ANKRD30B: variants seen among roughly 807,000 people sequenced by gnomAD.
ANKRD30B encodes ankyrin repeat domain 30B, also known as ankyrin repeat domain-containing protein 30B.
A neutral mutation model predicts 202.2 loss-of-function variants in ANKRD30B; 144 were observed. That is an observed-to-expected ratio of 0.71 (90% CI 0.62 to 0.82). The LOEUF is 0.82. ANKRD30B is among the 40% of genes least tolerant of loss of function. The pLI, the probability that ANKRD30B is intolerant of heterozygous loss-of-function variation, is 0.00. For missense variants in ANKRD30B, 1,487 were observed against 1,669.1 expected, an observed-to-expected ratio of 0.89 and a Z score of 1.90; for synonymous variants, 508 against 561.3, an observed-to-expected ratio of 0.91 and a Z score of 1.34.
the ANKRD30B span, among the ~76,000 whole-genome samples, chr18:14,882,501 CTGAGACTTGTTTTA>C: frequency 6.6e-6 from 1 of 152,144 alleles, no homozygotes; most frequent in African/African-American, 2.4e-5. Context: ...CTTCAATTTA[CTGAGACTTGTTTTA>C]TGGCCTATCA....
chr18:14,831,108 A>G (rs867608362), intron 33 of ANKRD30B, among the ~76,000 whole-genome samples: 5 of 136,044 alleles, frequency 3.7e-5, no homozygotes, highest in African/African-American at 1.1e-4. Context: ...GAACCCCGGG[A>G]GGCAGAGCTT....
the ANKRD30B span, among the ~76,000 whole-genome samples, chr18:14,889,460 T>TA: frequency 6.6e-6 from 1 of 152,134 alleles, no homozygotes; most frequent in East Asian, 1.9e-4. Context: ...GCTCTGGGAA[T>TA]ACAAAGGGAA....
the ANKRD30B span, among the ~76,000 whole-genome samples, chr18:14,874,235 C>T: frequency 3.2e-4 from 49 of 152,290 alleles, no homozygotes; most frequent in Non-Finnish European, 5.9e-4. Flanking sequence ...AGACCCTGAA[C>T]GCTCTTCCTT....
chr18:14,797,990 A>G (rs1339846198), intron 20 of ANKRD30B, 136 bp downstream of exon 20: 7 of 942,476 alleles, frequency 7.4e-6, no homozygotes, highest in South Asian at 1.8e-5. Flanking sequence ...TGCCAATGTT[A>G]GTATTTATGT....
intron 40 of ANKRD30B, 55 bp downstream of exon 40, chr18:14,848,984 A>C: frequency 7.2e-7 from 1 of 1,380,126 alleles, no homozygotes; most frequent in Non-Finnish European, 9.4e-7. Context: ...AAAAGTATGT[A>C]GGATACTTTT....
At chr18:14,912,623 T>C in the ANKRD30B span, among the ~76,000 whole-genome samples, 175 of 152,346 alleles carry the variant, frequency 1.1e-3, no homozygotes, top group Admixed American at 3.5e-3. Flanking sequence ...AGAGTGATAC[T>C]GGCCTTGTAG....
intron 6 of ANKRD30B, among the ~76,000 whole-genome samples, chr18:14,761,102 G>T (rs1335470759): frequency 6.6e-6 from 1 of 152,112 alleles, no homozygotes; most frequent in Non-Finnish European, 1.5e-5. Context: ...TAGTTTACAT[G>T]CCCTGAATTA....
At chr18:14,796,306 A>G in intron 17 of ANKRD30B, 37 bp from the exon 18 acceptor site, 2 of 1,609,646 alleles carry the variant, frequency 1.2e-6, no homozygotes, top group Non-Finnish European at 1.7e-6. Context: ...GGAAGCATAT[A>G]TTATGTATTA....
At chr18:14,798,506 T>C (rs781127271) in intron 20 of ANKRD30B, among the ~76,000 whole-genome samples, 2 of 152,052 alleles carry the variant, frequency 1.3e-5, no homozygotes, top group Non-Finnish European at 2.9e-5. Context: ...AAACAATCCA[T>C]AGAAACAGGA....
chr18:14,879,757 G>T, the ANKRD30B span, among the ~76,000 whole-genome samples: 3 of 151,920 alleles, frequency 2.0e-5, no homozygotes, highest in Non-Finnish European at 2.9e-5. Context: ...TTAGGGGTTA[G>T]GGTCAGGGGA....
chr18:14,753,484 C>T (rs1393388133), intron 3 of ANKRD30B, among the ~76,000 whole-genome samples: 3 of 152,146 alleles, frequency 2.0e-5, no homozygotes, highest in Non-Finnish European at 2.9e-5. Flanking sequence ...CCACTGTGCC[C>T]ACCTAGTTAC....
chr18:14,832,976 GCC>G (rs1971017735), intron 34 of ANKRD30B, among the ~76,000 whole-genome samples: 1 of 151,990 alleles, frequency 6.6e-6, no homozygotes, highest in Non-Finnish European at 1.5e-5. Context: ...TTGCTCTGTC[GCC>G]CAGGTTGTAG....
intron 13 of ANKRD30B, 46 bp from the exon 14 acceptor site, chr18:14,784,417 G>GACA (rs1418214915): frequency 6.2e-7 from 1 of 1,609,480 alleles, no homozygotes; most frequent in South Asian, 1.1e-5. Context: ...TGTACTTTGT[G>GACA]AAGTACACAT....
intron 37 of ANKRD30B, among the ~76,000 whole-genome samples, chr18:14,842,422 A>C (rs902289525): frequency 6.6e-6 from 1 of 152,202 alleles, no homozygotes; most frequent in Non-Finnish European, 1.5e-5. Context: ...TTCTGCATTC[A>C]GCTGAACTCT....
chr18:14,870,246 C>T, the ANKRD30B span, among the ~76,000 whole-genome samples: 2 of 152,224 alleles, frequency 1.3e-5, no homozygotes, highest in East Asian at 3.9e-4. Flanking sequence ...TCCCAAAGTG[C>T]TGAGATTACA....
chr18:14,769,509 T>A, intron 8 of ANKRD30B, 136 bp downstream of exon 8: 1 of 640,624 alleles, frequency 1.6e-6, no homozygotes, highest in South Asian at 2.4e-5. Flanking sequence ...CACATAGTCA[T>A]CACACAGCTT....
rs887231900 is a variant in ANKRD30B, at chr18:14,765,229, G to A, written c.1225+1139G>A. On this transcript the variant is annotated intron_variant, in intron 7 of 43. Coordinates refer to ENST00000690538, the MANE Select transcript of ANKRD30B (RefSeq NM_001367607.2). ...TAATCCCAGCAGTTTGGGAGGCTGA[G>A]GCATGTGGATCGTGAGGTTAGGAGT... 3.3e-5 allele frequency among the ~76,000 whole-genome samples: 5 copies of A among 152,148 alleles called. No individual in the cohort carries two copies. The East Asian group carries it at 5.8e-4, about 18-fold the overall frequency.
chr18:14,937,538 C>T, the ANKRD30B span, among the ~76,000 whole-genome samples: 1 of 152,172 alleles, frequency 6.6e-6, no homozygotes, highest in Non-Finnish European at 1.5e-5. Context: ...ACTGCAGCCT[C>T]TGATGGGTCG....
chr18:14,792,106 A>C (rs71364859), intron 16 of ANKRD30B, among the ~76,000 whole-genome samples: 1 of 152,278 alleles, frequency 6.6e-6, no homozygotes, highest in East Asian at 1.9e-4. Context: ...CGTATAGACC[A>C]TAAGTTTTCA....
Sources: gnomAD v4.1 joint callset for allele counts (sites outside exome capture counted in the v4.1 genomes callset) on GRCh38, gnomAD v4.1.1 for gene constraint, MANE v1.5 for transcripts, NCBI Gene and HGNC (gene_info 2026-07-23, HGNC 2026-07-21) for gene names.